Variants in GPR89B observed in about 807,000 individuals in gnomAD.
GPR89B encodes golgi pH regulator B.
GPR89B carries 25 observed loss-of-function variants against 52.4 expected under a neutral mutation model. The ratio of observed to expected loss-of-function variants is 0.48; its 90% CI spans 0.35 to 0.67. The LOEUF (loss-of-function observed/expected upper bound fraction) is 0.67. Ranked by LOEUF, GPR89B falls within the 30% of genes least tolerant of loss-of-function variation. The pLI, the probability that GPR89B is intolerant of heterozygous loss-of-function variation, is 0.01. For missense variants in GPR89B, 146 were observed against 450.2 expected, an observed-to-expected ratio of 0.32 and a Z score of 6.11; for synonymous variants, 52 against 151.2, an observed-to-expected ratio of 0.34 and a Z score of 4.81.
chr1:147,933,795 T>C (rs1653848031), intron 1 of GPR89B, among the ~76,000 whole-genome samples: 1 of 152,128 alleles, frequency 6.6e-6, no homozygotes, highest in Non-Finnish European at 1.5e-5. Context: ...CATAACACAT[T>C]TCTATAATGT....
At chr1:147,937,209 C>T (rs587686035) in intron 2 of GPR89B, among the ~76,000 whole-genome samples, 40 of 151,246 alleles carry the variant, frequency 2.6e-4, no homozygotes, top group African/African-American at 5.1e-4. Context: ...TTGGTAGGAC[C>T]GTGATGGTGA....
At position 147,990,648 on chromosome 1, in the gene GPR89B, G is replaced by T. The variant is rs1213714135; in HGVS notation, c.1096-1854G>T. ...GTATAAGGTGTAAGGAAGGGATCCAGTTTCAGCTTTCTACATATGGCTAGC... is the reference window on the plus strand; with the variant it reads ...GTATAAGGTGTAAGGAAGGGATCCATTTTCAGCTTTCTACATATGGCTAGC... On this transcript the variant is annotated intron_variant, in intron 12 of 13. Coordinates refer to ENST00000314163, the MANE Select transcript of GPR89B (RefSeq NM_016334.5). 1.6e-4 allele frequency among the ~76,000 whole-genome samples: 25 copies of T among 152,220 alleles called. No homozygotes were observed. In the South Asian group the frequency reaches 5.0e-3, roughly 30 times the overall value.
intron 5 of GPR89B, among the ~76,000 whole-genome samples, chr1:147,945,580 A>G (rs1553249638): frequency 6.6e-6 from 1 of 152,226 alleles, no homozygotes; most frequent in Non-Finnish European, 1.5e-5. Flanking sequence ...CAAAATTTCA[A>G]ATAACATTAA....
chr1:147,984,910 C>G lies in GPR89B; in HGVS notation c.910-1289C>G, dbSNP rs1392128551. 9.4e-4 allele frequency among the ~76,000 whole-genome samples: 143 copies of G among 151,738 alleles called. 1 individual carries two copies. Among genetic ancestry groups the G allele is most frequent in the African/African-American group, 3.4e-3 (141 of 41,308 alleles). On this transcript the variant is annotated intron_variant, in intron 10 of 13. Transcript: ENST00000314163. ...TTAAATTATTGACTTGTTTTCTGTC[C>G]CAGACAGAATATGGTGATAAATGTC...
chr1:147,948,532 A>C (rs1553250167), intron 5 of GPR89B, among the ~76,000 whole-genome samples: 2 of 151,656 alleles, frequency 1.3e-5, no homozygotes, highest in African/African-American at 4.8e-5. Context: ...ATCAGTCCTC[A>C]TAGAGATGAC....
chr1:148,015,406 C>T, the GPR89B span, among the ~76,000 whole-genome samples: 2 of 147,840 alleles, frequency 1.4e-5, no homozygotes, highest in East Asian at 2.0e-4. Context: ...CCTCCGACTC[C>T]CTGGTTCAAG....
At chr1:148,021,335 TACTAAAAATACAAAAA>T in the GPR89B span, among the ~76,000 whole-genome samples, 2 of 151,766 alleles carry the variant, frequency 1.3e-5, 1 homozygote, top group African/African-American at 4.9e-5. Context: ...ACCCCGTCTC[TACTAAAAATACAAAAA>T]ATTACCCGGG....
At chr1:148,019,686 A>G in the GPR89B span, among the ~76,000 whole-genome samples, 1 of 152,112 alleles carries the variant, frequency 6.6e-6, no homozygotes, top group African/African-American at 2.4e-5. Flanking sequence ...AAAGAATGAG[A>G]GTGAAAACAT....
At chr1:147,929,791 T>C (rs1233940815) in intron 1 of GPR89B, among the ~76,000 whole-genome samples, 1 of 85,526 alleles carries the variant, frequency 1.2e-5, no homozygotes, top group Non-Finnish European at 2.3e-5. Context: ...AATGCAATAG[T>C]TTTTCATTTT....
At chr1:147,950,331 C>A in intron 5 of GPR89B, among the ~76,000 whole-genome samples, 1 of 139,778 alleles carries the variant, frequency 7.2e-6, no homozygotes, top group Non-Finnish European at 1.5e-5. Flanking sequence ...ACATCTTAGA[C>A]GATGGGCGGC....
the GPR89B span, among the ~76,000 whole-genome samples, chr1:148,017,704 C>T: frequency 6.7e-6 from 1 of 149,476 alleles, no homozygotes; most frequent in Admixed American, 6.7e-5. Context: ...GGCCACTGCA[C>T]TCTAGCCTGG....
intron 7 of GPR89B, among the ~76,000 whole-genome samples, chr1:147,963,677 A>T (rs1236213443): frequency 1.3e-5 from 2 of 152,048 alleles, no homozygotes; most frequent in Non-Finnish European, 2.9e-5. Flanking sequence ...CTAAAATAAA[A>T]ATTAGTGACA....
intron 2 of GPR89B, among the ~76,000 whole-genome samples, chr1:147,937,491 G>A (rs1394034477): frequency 1.3e-5 from 2 of 152,062 alleles, no homozygotes; most frequent in African/African-American, 2.4e-5. Flanking sequence ...AAGTCTGAGG[G>A]CACTGTAGGA....
the GPR89B span, chr1:148,009,442 G>A: frequency 6.2e-7 from 1 of 1,603,070 alleles, no homozygotes; most frequent in African/African-American, 1.3e-5. Context: ...TTCATCACAG[G>A]GGAAAGTATA....
downstream of GPR89B, among the ~76,000 whole-genome samples, chr1:147,998,141 G>A (rs1231377424): frequency 1.4e-5 from 2 of 147,916 alleles, no homozygotes; most frequent in Non-Finnish European, 3.0e-5. Context: ...ACCTGGGTAT[G>A]GTGTGATCCT....
Position 147,977,233 on chromosome 1 carries a change from CAAAAAAAAAAAAA to C in GPR89B, c.909+7291_909+7303del, listed in dbSNP as rs1191631857. Among the ~76,000 whole-genome samples, 9 of 41,308 alleles carry C rather than the reference CAAAAAAAAAAAAA, an allele frequency of 2.2e-4. No individual in the cohort carries two copies. The South Asian group carries it at 0.013, about 60-fold the overall frequency. 27.1% of individuals were successfully genotyped at this position (41,308 alleles called of 152,430 possible). On this transcript the variant is annotated intron_variant, in intron 10 of 13. Transcript: ENST00000314163. ...TGGGTGACAGAGCAAGACTCCATCT[CAAAAAAAAAAAAA>C]AAAAAAAAAAAAAAAACAGAATGTT...
chr1:147,930,852 T>C (rs1369703578), intron 1 of GPR89B, among the ~76,000 whole-genome samples: 1 of 152,150 alleles, frequency 6.6e-6, no homozygotes, highest in Admixed American at 6.5e-5. Flanking sequence ...CTGGCCATGC[T>C]ATGGTGCCTC....
At position 147,977,233 on chromosome 1, in the gene GPR89B, C is replaced by CAA. The variant is rs1191631857; in HGVS notation, c.909+7302_909+7303dup. On this transcript the variant is annotated intron_variant, in intron 10 of 13. Coordinates refer to ENST00000314163, the MANE Select transcript of GPR89B (RefSeq NM_016334.5). ...TGGGTGACAGAGCAAGACTCCATCT[C>CAA]AAAAAAAAAAAAAAAAAAAAAAAAA... Among the ~76,000 whole-genome samples, 138 of 41,328 alleles carry CAA rather than the reference C, an allele frequency of 3.3e-3. 8 individuals carry two copies. The highest frequency in any genetic ancestry group is 7.5e-3 in the South Asian group (4 of 534). 27.1% of individuals were successfully genotyped at this position (41,328 alleles called of 152,430 possible).
intron 10 of GPR89B, among the ~76,000 whole-genome samples, chr1:147,981,452 C>T (rs1201734686): frequency 6.9e-6 from 1 of 144,616 alleles, no homozygotes; most frequent in Non-Finnish European, 1.5e-5. Context: ...TGCAGTGAGC[C>T]GTGATTGTGC....
Sources: allele counts gnomAD v4.1 joint callset (sites outside exome capture counted in the v4.1 genomes callset), GRCh38; gene constraint gnomAD v4.1.1; transcripts MANE v1.5; gene names NCBI Gene and HGNC (gene_info 2026-07-23, HGNC 2026-07-21).